NRDC: variants seen among roughly 807,000 people sequenced by gnomAD.
NRDC encodes nardilysin.
In NRDC, 54 loss-of-function variants were observed where a neutral mutation model predicts 147.1. The ratio of observed to expected loss-of-function variants is 0.37; its 90% CI spans 0.29 to 0.46. The LOEUF is 0.46. NRDC is among the 20% of genes least tolerant of loss of function. NRDC has a pLI of 1.00. For missense variants in NRDC, 1,082 were observed against 1,370.6 expected (o/e 0.79, Z 3.33); for synonymous variants, 440 against 482.1 (o/e 0.91, Z 1.14).
intron 1 of NRDC, among the ~76,000 whole-genome samples, chr1:51,864,539 C>T (rs1008691255): frequency 3.3e-5 from 5 of 152,250 alleles, no homozygotes; most frequent in Admixed American, 3.3e-4. Flanking sequence ...ACTGACAAAG[C>T]CCAAAGTATT....
In NRDC at chr1:51,791,681, G is replaced by C. The variant is rs1678664418; in HGVS notation, c.2877-20C>G. 6.3e-7 allele frequency: 1 copy of C among 1,584,388 alleles called. No individual in the cohort carries two copies. On this transcript the variant is annotated intron_variant, in intron 26 of 30. Transcript: ENST00000352171. ...TGGTACCTACAAGCCAGAGAGAAAA[G>C]TTATATGAGCTCAGGTGATCATCTG...
intron 3 of NRDC, among the ~76,000 whole-genome samples, chr1:51,835,760 C>A (rs538580925): frequency 6.6e-6 from 1 of 152,370 alleles, no homozygotes; most frequent in Admixed American, 6.5e-5. Flanking sequence ...AGCCACCTCA[C>A]CCAGGGAATT....
In NRDC at chr1:51,860,040, G is replaced by A. The variant is rs182030536; in HGVS notation, c.341+18235C>T. 31 of 201,804 alleles carry A rather than the reference G, an allele frequency of 1.5e-4. No individual in the cohort carries two copies. In the East Asian group the frequency reaches 2.6e-3, roughly 17 times the overall value. The allele number at this position is 201,804 out of a possible 1,614,324, so 12.5% of individuals were successfully genotyped here. A position where few individuals can be genotyped will look rare whatever the true frequency, so the allele number is the denominator to read the frequency against. On this transcript the variant is annotated intron_variant, in intron 1 of 30. Coordinates refer to ENST00000352171, the MANE Select transcript of NRDC (RefSeq NM_001101662.2). The stretch of plus-strand genomic sequence containing the variant: ...ATTGTAAGGTGATCCAGATTTGGCC[G>A]TGTCTTTTACTTTGGCCATAGTGGT...
rs189532268 is a variant in NRDC at position 51,832,267 on chromosome 1, G to A, written c.866+1750C>T. ...TCACCGTGTTGGCCAGGCTGGTCTC[G>A]AACTCCTGGCCTCAAGTTATCCGCC... On this transcript the variant is annotated intron_variant, in intron 4 of 30. Coordinates refer to ENST00000352171, the MANE Select transcript of NRDC (RefSeq NM_001101662.2). Among the ~76,000 whole-genome samples, 1,060 of 152,058 alleles carry A rather than the reference G, an allele frequency of 7.0e-3. 15 individuals carry two copies. Among genetic ancestry groups the A allele is most frequent in the African/African-American group, 0.024 (983 of 41,470 alleles).
chr1:51,794,684 G>A lies in NRDC; in HGVS notation c.2637-74C>T. On this transcript the variant is annotated intron_variant, in intron 23 of 30. Transcript: ENST00000352171. Reference sequence around the variant, plus strand: ...AGCTAGGCCTTCTAACTTTTCAATTGCCTTGTACACCAGCCTCAAAAAAAT... The same window carrying A: ...AGCTAGGCCTTCTAACTTTTCAATTACCTTGTACACCAGCCTCAAAAAAAT... 4 of 1,593,248 alleles carry A rather than the reference G, an allele frequency of 2.5e-6. No homozygotes were observed. The Admixed American group carries it at 6.9e-5, about 28-fold the overall frequency.
At chr1:51,813,376 G>A (rs548192561) in intron 14 of NRDC, among the ~76,000 whole-genome samples, 24 of 152,170 alleles carry the variant, frequency 1.6e-4, no homozygotes, top group African/African-American at 5.1e-4. Flanking sequence ...AAACATAGTC[G>A]GATTTTTCCT....
At chr1:51,789,475 G>T in intron 30 of NRDC, 42 bp from the exon 31 acceptor site, 1 of 1,606,394 alleles carries the variant, frequency 6.2e-7, no homozygotes, top group Non-Finnish European at 8.5e-7. Flanking sequence ...ATGCTGACCA[G>T]ATTTAGGGGT....
intron 20 of NRDC, among the ~76,000 whole-genome samples, chr1:51,803,001 G>A (rs1337245566): frequency 6.6e-6 from 1 of 152,016 alleles, no homozygotes; most frequent in African/African-American, 2.4e-5. Context: ...AAGCAATACT[G>A]GAACATATTT....
rs775882027 is a variant in NRDC, at chr1:51,878,542, G to C, written c.74C>G (p.Ala25Gly). The change falls in exon 1 of 31, where the codon GCG becomes GGG. Residue 25 changes from alanine (A) to glycine (G), a missense_variant. This residue lies in a region of NRDC where 260 missense variants were observed against 253.2 expected (regional missense o/e 1.03). Transcript: ENST00000352171. ...RKLCEAGREL[A>G]ALWGIETRGR... ...CCGCGTTTCGATTCCCCAGAGCGCCGCGAGCTCCCGCCCGGCCTCACACAA... is the reference window on the plus strand; with the variant it reads ...CCGCGTTTCGATTCCCCAGAGCGCCCCGAGCTCCCGCCCGGCCTCACACAA... 3.1e-6 allele frequency: 5 copies of C among 1,613,540 alleles called. No individual in the cohort carries two copies. The South Asian group carries it at 5.5e-5, about 18-fold the overall frequency.
chr1:51,873,433 C>T (rs983950370), intron 1 of NRDC, among the ~76,000 whole-genome samples: 2 of 151,930 alleles, frequency 1.3e-5, no homozygotes, highest in Non-Finnish European at 2.9e-5. Context: ...TAGCCTGTAC[C>T]TTATTCAGCA....
intron 2 of NRDC, among the ~76,000 whole-genome samples, chr1:51,839,490 T>G (rs1292844655): frequency 6.6e-6 from 1 of 152,210 alleles, no homozygotes; most frequent in East Asian, 1.9e-4. Flanking sequence ...AACTAACTTT[T>G]GCTGGTCAAT....
Position 51,814,824 on chromosome 1 carries a change from G to A in NRDC, c.1440-11C>T. 1.3e-6 allele frequency: 2 copies of A among 1,559,862 alleles called. No individual in the cohort carries two copies. The highest frequency in any genetic ancestry group is 1.7e-6 in the Non-Finnish European group (2 of 1,158,480). On this transcript the variant is annotated splice_polypyrimidine_tract_variant and intron_variant, in intron 11 of 30. Coordinates refer to ENST00000352171, the MANE Select transcript of NRDC (RefSeq NM_001101662.2). ...GCAAGAGCCCAGCATCTACAGGTGG[G>A]GAAAAAATTAACCCAATCAATGTTC...
At chr1:51,863,013 GAAAAAAAAAAA>G (rs562410956) in intron 1 of NRDC, among the ~76,000 whole-genome samples, 8 of 32,048 alleles carry the variant, frequency 2.5e-4, no homozygotes, top group Admixed American at 6.0e-4. Flanking sequence ...CTGTGTGGAG[GAAAAAAAAAAA>G]AAAAAAAAAA....
chr1:51,817,617 C>G (rs1051786299), intron 10 of NRDC, among the ~76,000 whole-genome samples: 12 of 152,176 alleles, frequency 7.9e-5, no homozygotes, highest in African/African-American at 2.9e-4. Flanking sequence ...TATCAACTCA[C>G]TGCAACCTCC....
Position 51,806,820 on chromosome 1 carries a change from T to C in NRDC, c.2084A>G (p.Lys695Arg). 6.2e-7 allele frequency: 1 copy of C among 1,613,896 alleles called. No homozygotes were observed. Among genetic ancestry groups the C allele is most frequent in the Non-Finnish European group, 8.5e-7 (1 of 1,179,922 alleles). Residue 695 changes from lysine (K) to arginine (R), a missense_variant, in exon 18 of 31, where the codon AAA (lysine) becomes AGA (arginine). Physicochemically the swap from Lys to Arg is conservative, Grantham distance 26. Around this residue, in one of 3 missense-constraint regions of NRDC, gnomAD observed 635 missense variants for 923.8 expected, o/e 0.69. Transcript: ENST00000352171. Reference protein sequence around the residue: ...NTPQGCLWYKKDNKFKIPKAY... With the variant: ...NTPQGCLWYKRDNKFKIPKAY... The stretch of plus-strand genomic sequence containing the variant: ...TTTGGGGATTTTGAATTTGTTGTCT[T>C]TCTTATACCACAGGCAACCTTGTGG...
At chr1:51,846,673 T>G (rs1681626369) in intron 1 of NRDC, among the ~76,000 whole-genome samples, 1 of 152,182 alleles carries the variant, frequency 6.6e-6, no homozygotes, top group Admixed American at 6.5e-5. Context: ...ATAAAGGTAG[T>G]GAGAACCCAA....
At chr1:51,844,067 T>A (rs969894990) in intron 1 of NRDC, among the ~76,000 whole-genome samples, 1 of 152,188 alleles carries the variant, frequency 6.6e-6, no homozygotes, top group African/African-American at 2.4e-5. Flanking sequence ...TTAGAGCATG[T>A]TGTCATCGTG....
Position 51,878,339 on chromosome 1 carries a change from C to A in NRDC, c.277G>T (p.Gly93Trp). 6.2e-7 allele frequency: 1 copy of A among 1,614,172 alleles called. No individual in the cohort carries two copies. Among genetic ancestry groups the A allele is most frequent in the Non-Finnish European group, 8.5e-7 (1 of 1,180,028 alleles). Residue 93 changes from glycine to tryptophan, a missense_variant, in exon 1 of 31, where the codon GGG (glycine) becomes TGG (tryptophan). Coordinates refer to ENST00000352171, the MANE Select transcript of NRDC (RefSeq NM_001101662.2). ...GGGTCCCCAGCATTACTGAGAGACC[C>A]CCTCCGTCCCTCTTCCTCAGATTCA... ...ADESEEEGRR[G>W]SLSNAGDPEI...
intron 1 of NRDC, among the ~76,000 whole-genome samples, chr1:51,853,769 A>G (rs1014061337): frequency 7.9e-5 from 12 of 152,232 alleles, no homozygotes; most frequent in African/African-American, 2.7e-4. Context: ...ATATAAATGA[A>G]TCTGCTGAGG....
Sources: allele counts gnomAD v4.1 joint callset (sites outside exome capture counted in the v4.1 genomes callset), GRCh38; gene constraint gnomAD v4.1.1; regional missense constraint gnomAD v4.1.1; transcripts MANE v1.5; gene names NCBI Gene and HGNC (gene_info 2026-07-23, HGNC 2026-07-21).